The following ADGRV1 variants were observed in gnomAD, a reference collection of about 807,000 sequenced individuals.
ADGRV1 encodes the protein G-protein coupled receptor 98.
Under a neutral mutation model 596.2 loss-of-function variants are expected in ADGRV1, and 359 were observed. The observed-to-expected ratio is 0.60, with a 90% confidence interval of 0.55 to 0.66. The LOEUF is 0.66. ADGRV1 is among the 30% of genes least tolerant of loss of function. The pLI is 0.00. For synonymous variants in ADGRV1, 2,681 were observed against 2,679.2 expected (o/e 1.00, Z -0.02); for missense variants, 7,274 against 7,575.6 (o/e 0.96, Z 1.48).
intron 88 of ADGRV1, among the ~76,000 whole-genome samples, chr5:91,152,443 T>C (rs114842677): frequency 0.012 from 1,853 of 152,336 alleles, 20 homozygotes; most frequent in Non-Finnish European, 0.02. Context: ...CCATTTCTTA[T>C]ATTTTTTAAC....
chr5:90,823,344 G>A (rs2150300606), intron 75 of ADGRV1, 81 bp from the exon 76 acceptor site: 3 of 1,364,848 alleles, frequency 2.2e-6, no homozygotes, highest in Admixed American at 4.1e-5. Flanking sequence ...GGATGAAGAG[G>A]TACCATTATT....
At chr5:90,660,068 T>A (rs992455519) in intron 21 of ADGRV1, among the ~76,000 whole-genome samples, 36 of 151,696 alleles carry the variant, frequency 2.4e-4, no homozygotes, top group African/African-American at 8.5e-4. Context: ...AACAGACAAA[T>A]TGATTGCAAG....
chr5:90,745,231 GCC>G lies in ADGRV1; in HGVS notation c.10736_10737del (p.Ala3579ValfsTer7), dbSNP rs1307312865. Reference protein sequence around the residue: ...VGAHSHIYELAYISSHSDFIP... With the variant: ...VGAHSHIYELXYISSHSDFIP... ...AGCTCATTCACATATATATGAGCTA[GCC>G]TACATTTCCAGCCATTCTGACTTTA... On this transcript the variant is annotated frameshift_variant, in exon 51 of 90. Transcript: ENST00000405460. LOFTEE classifies it high-confidence loss of function. 2.4e-5 allele frequency: 38 copies of G among 1,604,496 alleles called. No individual in the cohort carries two copies. Among genetic ancestry groups the G allele is most frequent in the Non-Finnish European group, 3.1e-5 (37 of 1,177,178 alleles).
rs6452906 is a variant in ADGRV1, at chr5:90,720,312, A to G, written c.9623+89A>G. 0.68 allele frequency: 527,551 copies of G among 779,372 alleles called. 182,013 individuals carry two copies. Among genetic ancestry groups the G allele is most frequent in the African/African-American group, 0.87 (49,394 of 56,734 alleles). The allele number at this position is 779,372 out of a possible 1,614,324, so 48.3% of individuals were successfully genotyped here. The stretch of plus-strand genomic sequence containing the variant: ...TAAGAAAATGCAGAAGGAAATTGAT[A>G]TCTGATTATTTTAAAAGGGATTTTT... On this transcript the variant is annotated intron_variant, in intron 44 of 89. Coordinates refer to ENST00000405460, the MANE Select transcript of ADGRV1 (RefSeq NM_032119.4).
In ADGRV1 at chr5:90,711,017, C is replaced by G. The variant is rs768928520; in HGVS notation, c.8861C>G (p.Ala2954Gly). Residue 2954 changes from alanine to glycine, a missense_variant, in exon 40 of 90, where the codon GCC (alanine) becomes GGC (glycine). Physicochemically the swap from Ala to Gly is moderately conservative, Grantham distance 60. Transcript: ENST00000405460. ...EGLTAQVIID[A>G]NDGARGVIEW... ...TTGACTGCACAAGTTATTATTGATG[C>G]CAATGATGGGGCCCGAGGTGTAATT... is the stretch of plus-strand genomic sequence containing the variant. 1 of 1,610,866 alleles carries G rather than the reference C, an allele frequency of 6.2e-7. No homozygotes were observed. The highest frequency in any genetic ancestry group is 1.7e-5 in the Admixed American group (1 of 59,896).
chr5:91,150,243 TTC>T (rs749642401), intron 88 of ADGRV1, 22 bp downstream of exon 88: 15 of 1,489,212 alleles, frequency 1.0e-5, no homozygotes, highest in South Asian at 1.4e-5. Flanking sequence ...TGCCCTTTCA[TTC>T]TCTGTCTCTC....
At chr5:90,636,910 C>G (rs1447018678) in intron 10 of ADGRV1, among the ~76,000 whole-genome samples, 3 of 151,898 alleles carry the variant, frequency 2.0e-5, no homozygotes, top group Non-Finnish European at 4.4e-5. Context: ...TTATATTCCT[C>G]CTTTGAAAAA....
chr5:90,904,224 G>A (rs1772112466), intron 83 of ADGRV1, among the ~76,000 whole-genome samples: 2 of 151,952 alleles, frequency 1.3e-5, no homozygotes, highest in Admixed American at 6.6e-5. Flanking sequence ...AACAACCATG[G>A]GAATGCAGAT....
At chr5:90,662,256 C>T (rs1013233784) in intron 21 of ADGRV1, among the ~76,000 whole-genome samples, 8 of 138,010 alleles carry the variant, frequency 5.8e-5, no homozygotes, top group Non-Finnish European at 9.0e-5. Context: ...TGCAGTGATG[C>T]GATCATGGCT....
chr5:90,726,930 T>A (rs773931866), intron 48 of ADGRV1, among the ~76,000 whole-genome samples: 21 of 152,228 alleles, frequency 1.4e-4, no homozygotes, highest in Non-Finnish European at 2.9e-4. Context: ...TTCACTTAAA[T>A]ATATTTTTGG....
intron 83 of ADGRV1, among the ~76,000 whole-genome samples, chr5:90,886,999 T>C (rs1770361087): frequency 6.6e-6 from 1 of 152,184 alleles, no homozygotes; most frequent in Admixed American, 6.5e-5. Context: ...TCACCTCTTC[T>C]CTCAACCAGT....
chr5:90,756,886 T>C (rs1397553193), intron 56 of ADGRV1, 93 bp from the exon 57 acceptor site: 4 of 1,057,854 alleles, frequency 3.8e-6, no homozygotes, highest in Non-Finnish European at 5.5e-6. Context: ...AAGGGTGAAA[T>C]ATAGAAAGTT....
intron 86 of ADGRV1, among the ~76,000 whole-genome samples, chr5:91,091,279 C>T (rs1790362780): frequency 6.6e-6 from 1 of 152,186 alleles, no homozygotes; most frequent in African/African-American, 2.4e-5. Flanking sequence ...GCTCCTGCAG[C>T]CCAAAAGCAA....
chr5:90,878,100 G>A (rs1289017812), intron 83 of ADGRV1, among the ~76,000 whole-genome samples: 2 of 152,118 alleles, frequency 1.3e-5, no homozygotes, highest in African/African-American at 4.8e-5. Context: ...CTCTTTTCTA[G>A]GTTATTAATA....
Position 90,807,722 on chromosome 5 carries a change from G to A in ADGRV1, c.14957G>A (p.Gly4986Asp), listed in dbSNP as rs759828658. ...TCAGGAGTGCAGAGCAGTGCTCCTG[G>A]CGGAGCTCAACTCCGGTAAGACCAA... Reference protein sequence around the residue: ...HLSGVQSSAPGGAQLRSGFIV... With the variant: ...HLSGVQSSAPDGAQLRSGFIV... Residue 4986 changes from glycine to aspartate, a missense_variant, in exon 73 of 90, where the codon GGC becomes GAC. Gly to Asp is a moderately conservative substitution (Grantham distance 94). Around this residue, in one of 5 missense-constraint regions of ADGRV1, gnomAD observed 1,874 missense variants for 1,970.2 expected, o/e 0.95. Coordinates refer to ENST00000405460, the MANE Select transcript of ADGRV1 (RefSeq NM_032119.4). The A allele has an allele frequency of 6.4e-7, 1 of 1,560,316 alleles. No homozygotes were observed. The highest frequency in any genetic ancestry group is 8.7e-7 in the Non-Finnish European group (1 of 1,146,846).
intron 29 of ADGRV1, among the ~76,000 whole-genome samples, chr5:90,686,335 G>C (rs148566701): frequency 0.022 from 3,387 of 151,974 alleles, 134 homozygotes; most frequent in African/African-American, 0.078. Flanking sequence ...TTTGGCATTA[G>C]GTATATCTCC....
At position 90,774,296 on chromosome 5, in the gene ADGRV1, A is replaced by G. The variant is rs766008551; in HGVS notation, c.12396A>G (p.Pro4132=). ...CAATTGATGAGGTAGAAATATCTCC[A>G]GTAAAAGGTAAGAGAAATTCACATT... ...LISIDEVEIS[P]VKGSASIIIR... is the part of the protein sequence containing the mutation. Residue 4132 remains proline (P), a synonymous_variant, in exon 60 of 90, where the codon CCA becomes CCG. Coordinates refer to ENST00000405460, the MANE Select transcript of ADGRV1 (RefSeq NM_032119.4). 1 of 1,516,524 alleles carries G rather than the reference A, an allele frequency of 6.6e-7. No individual in the cohort carries two copies. Among genetic ancestry groups the G allele is most frequent in the South Asian group, 1.1e-5 (1 of 88,916 alleles). The allele number at this position is 1,516,524 out of a possible 1,614,324, so 93.9% of individuals were successfully genotyped here. A position where few individuals can be genotyped will look rare whatever the true frequency, so the allele number is the denominator to read the frequency against.
chr5:90,916,867 C>T (rs1344341038), intron 83 of ADGRV1, among the ~76,000 whole-genome samples: 2 of 151,746 alleles, frequency 1.3e-5, no homozygotes, highest in Non-Finnish European at 2.9e-5. Context: ...CTCCTGACCT[C>T]GTGATCCGCC....
intron 85 of ADGRV1, among the ~76,000 whole-genome samples, chr5:91,020,952 TGTTTAA>T (rs1447228522): frequency 2.6e-5 from 4 of 151,940 alleles, no homozygotes; most frequent in East Asian, 1.9e-4. Flanking sequence ...ATTTGAAATA[TGTTTAA>T]GTTTGAGTAC....
Sources: gnomAD v4.1 joint callset for allele counts (sites outside exome capture counted in the v4.1 genomes callset) on GRCh38, gnomAD v4.1.1 for gene constraint, gnomAD v4.1.1 regional missense constraint, MANE v1.5 for transcripts, NCBI Gene and HGNC (gene_info 2026-07-23, HGNC 2026-07-21) for gene names.